Variants in PTPRD observed in about 807,000 individuals in gnomAD.
PTPRD encodes the protein receptor-type tyrosine-protein phosphatase delta.
In PTPRD, 34 loss-of-function variants were observed where a neutral mutation model predicts 214.5. The ratio of observed to expected loss-of-function variants is 0.16; its 90% CI spans 0.12 to 0.21. The LOEUF (loss-of-function observed/expected upper bound fraction) is 0.21. Among genes scored for constraint, PTPRD ranks in the 10% least tolerant of loss-of-function variants. The pLI is 1.00. For synonymous variants in PTPRD, 1,128 were observed against 845.7 expected, an observed-to-expected ratio of 1.33 and a Z score of -5.79; for missense variants, 2,545 against 2,398.7, an observed-to-expected ratio of 1.06 and a Z score of -1.27.
chr9:8,768,810 G>C (rs765924885), intron 11 of PTPRD, among the ~76,000 whole-genome samples: 3 of 152,122 alleles, frequency 2.0e-5, no homozygotes, highest in Admixed American at 6.5e-5. Context: ...ATTAATATTA[G>C]AAATGAAGTA....
chr9:9,522,660 T>C (rs887443460), intron 8 of PTPRD, among the ~76,000 whole-genome samples: 1 of 152,140 alleles, frequency 6.6e-6, no homozygotes, highest in African/African-American at 2.4e-5. Context: ...CCTGCACTCT[T>C]TTCTCTAATC....
At chr9:10,584,343 C>T (rs2073178395) in intron 2 of PTPRD, among the ~76,000 whole-genome samples, 1 of 152,150 alleles carries the variant, frequency 6.6e-6, no homozygotes, top group Non-Finnish European at 1.5e-5. Context: ...ACTTGTACAA[C>T]ACAGAAGATA....
chr9:8,684,285 T>C (rs2154375227), intron 12 of PTPRD, among the ~76,000 whole-genome samples: 1 of 152,328 alleles, frequency 6.6e-6, no homozygotes, highest in African/African-American at 2.4e-5. Context: ...CCAAGAACTA[T>C]ATTTTGTATA....
intron 8 of PTPRD, among the ~76,000 whole-genome samples, chr9:9,432,822 C>T (rs2083728226): frequency 6.6e-6 from 1 of 152,134 alleles, no homozygotes; most frequent in African/African-American, 2.4e-5. Context: ...CTTATATTTC[C>T]TGTGGCATAA....
intron 9 of PTPRD, among the ~76,000 whole-genome samples, chr9:9,216,036 C>A (rs1275540194): frequency 6.6e-6 from 1 of 152,154 alleles, no homozygotes; most frequent in Non-Finnish European, 1.5e-5. Context: ...TCAGAACACA[C>A]AATCTAGTGT....
chr9:8,481,661 G>C (rs1165984765), intron 30 of PTPRD, among the ~76,000 whole-genome samples: 2 of 152,012 alleles, frequency 1.3e-5, no homozygotes, highest in African/African-American at 4.8e-5. Context: ...CCTATTAACG[G>C]AGACCTTTAT....
At chr9:10,064,231 A>G (rs2097835512) in intron 3 of PTPRD, among the ~76,000 whole-genome samples, 1 of 151,896 alleles carries the variant, frequency 6.6e-6, no homozygotes, top group Admixed American at 6.6e-5. Context: ...GCATTACAGT[A>G]TGGTGAATTG....
At chr9:8,850,178 CCA>C (rs1336181476) in intron 11 of PTPRD, among the ~76,000 whole-genome samples, 1 of 151,926 alleles carries the variant, frequency 6.6e-6, no homozygotes, top group Non-Finnish European at 1.5e-5. Flanking sequence ...GGAGAGCCTC[CCA>C]TTTCCCAGTC....
intron 9 of PTPRD, among the ~76,000 whole-genome samples, chr9:9,217,999 A>G (rs2099953413): frequency 6.6e-6 from 1 of 152,150 alleles, no homozygotes; most frequent in Admixed American, 6.6e-5. Flanking sequence ...TATGCCGTTC[A>G]TGTTCACTCT....
At chr9:8,849,984 G>A (rs973531713) in intron 11 of PTPRD, among the ~76,000 whole-genome samples, 8 of 152,102 alleles carry the variant, frequency 5.3e-5, no homozygotes, top group African/African-American at 1.9e-4. Flanking sequence ...GAAATAAAGT[G>A]AAAAGATTAC....
intron 11 of PTPRD, among the ~76,000 whole-genome samples, chr9:8,823,669 G>GGGAAAAGGAAA (rs2097119460): frequency 8.7e-6 from 1 of 114,990 alleles, no homozygotes; most frequent in African/African-American, 4.0e-5. Flanking sequence ...GGAAGGGAAA[G>GGGAAAAGGAAA]GGAAAAGGAA....
intron 5 of PTPRD, among the ~76,000 whole-genome samples, chr9:9,884,811 C>T (rs1028789578): frequency 6.6e-6 from 1 of 152,130 alleles, no homozygotes; most frequent in Non-Finnish European, 1.5e-5. Context: ...CTTCTCCTTG[C>T]CGCTGCCATG....
At position 10,500,655 on chromosome 9, in the gene PTPRD, GT is replaced by G. The variant is rs200053911; in HGVS notation, c.-600+111742del. Among the ~76,000 whole-genome samples, 111 of 151,700 alleles carry G rather than the reference GT, an allele frequency of 7.3e-4. 1 individual carries two copies. The East Asian group carries it at 0.02, about 28-fold the overall frequency. On this transcript the variant is annotated intron_variant, in intron 2 of 45. Coordinates refer to ENST00000381196, the MANE Select transcript of PTPRD (RefSeq NM_002839.4). ...ATAATGGATCTTTTCATCCTTTCTAGTTTTTGTACCCATTAGCCATTCCAAC... is the reference window on the plus strand; with the variant it reads ...ATAATGGATCTTTTCATCCTTTCTAGTTTTGTACCCATTAGCCATTCCAAC...
chr9:9,523,648 G>A (rs943773585), intron 8 of PTPRD, among the ~76,000 whole-genome samples: 11 of 152,166 alleles, frequency 7.2e-5, no homozygotes, highest in African/African-American at 1.9e-4. Context: ...ACTATGAAGG[G>A]CTGTTTTCAG....
intron 5 of PTPRD, among the ~76,000 whole-genome samples, chr9:9,925,592 C>G (rs1325405089): frequency 6.6e-6 from 1 of 151,514 alleles, no homozygotes; most frequent in African/African-American, 2.4e-5. Context: ...TTCAGTACTT[C>G]TCATTTTTTT....
Position 10,036,568 on chromosome 9 carries a change from A to ATT in PTPRD, c.-544-2780_-544-2779dup, listed in dbSNP as rs71321217. ...AGGATTCCACAAACAGCACAAATACATTTTTTTTTATTTTATTTCATTTTA... is the reference window on the plus strand; with the variant it reads ...AGGATTCCACAAACAGCACAAATACATTTTTTTTTTTATTTTATTTCATTTTA... On this transcript the variant is annotated intron_variant, in intron 3 of 45. Transcript: ENST00000381196. Among the ~76,000 whole-genome samples, 707 of 140,314 alleles carry ATT rather than the reference A, an allele frequency of 5.0e-3. 9 individuals carry two copies. The highest frequency in any genetic ancestry group is 0.014 in the African/African-American group (581 of 40,444). 92.1% of individuals were successfully genotyped at this position (140,314 alleles called of 152,430 possible).
At chr9:10,189,765 G>C (rs1301436340) in intron 3 of PTPRD, among the ~76,000 whole-genome samples, 1 of 152,118 alleles carries the variant, frequency 6.6e-6, no homozygotes, top group East Asian at 1.9e-4. Context: ...TAAATTTTCT[G>C]AGAAATCAAA....
chr9:9,576,718 T>C (rs527824375), intron 7 of PTPRD, among the ~76,000 whole-genome samples: 14 of 152,270 alleles, frequency 9.2e-5, no homozygotes, highest in Non-Finnish European at 1.9e-4. Context: ...ATACACAAAT[T>C]AGAAGTTTTA....
intron 3 of PTPRD, among the ~76,000 whole-genome samples, chr9:10,300,651 A>T (rs1177333865): frequency 1.3e-5 from 2 of 152,162 alleles, no homozygotes; most frequent in Non-Finnish European, 2.9e-5. Context: ...GCCACCAGGA[A>T]GTTTGAAATG....
Sources: allele counts gnomAD v4.1 joint callset (sites outside exome capture counted in the v4.1 genomes callset), GRCh38; gene constraint gnomAD v4.1.1; transcripts MANE v1.5; gene names NCBI Gene and HGNC (gene_info 2026-07-23, HGNC 2026-07-21).